The following GPHN variants were observed in gnomAD, a reference collection of about 807,000 sequenced individuals.
The protein encoded by GPHN is gephyrin.
Under a neutral mutation model 95.5 loss-of-function variants are expected in GPHN, and 17 were observed. That is an observed-to-expected ratio of 0.18 (90% CI 0.12 to 0.27). The LOEUF is 0.27. GPHN is among the 10% of genes least tolerant of loss of function. The probability of loss-of-function intolerance (pLI) is 1.00; values close to 1 mark genes in which losing one functional copy is unlikely to be tolerated. For missense variants in GPHN, 660 were observed against 978.1 expected, an observed-to-expected ratio of 0.67 and a Z score of 4.34; for synonymous variants, 320 against 322.5, an observed-to-expected ratio of 0.99 and a Z score of 0.08.
chr14:67,094,862 G>A (rs1447299920), intron 12 of GPHN, among the ~76,000 whole-genome samples: 1 of 152,120 alleles, frequency 6.6e-6, no homozygotes, highest in Non-Finnish European at 1.5e-5. Flanking sequence ...GATATGTTTA[G>A]ATACACAAAT....
chr14:67,122,559 G>C (rs1342032193), intron 17 of GPHN, among the ~76,000 whole-genome samples, 182 bp downstream of exon 17: 1 of 152,162 alleles, frequency 6.6e-6, no homozygotes, highest in East Asian at 1.9e-4. Context: ...AGATTTCTTG[G>C]AATGTCTCTG....
At chr14:66,627,375 C>A (rs570152747) in intron 1 of GPHN, among the ~76,000 whole-genome samples, 2 of 152,030 alleles carry the variant, frequency 1.3e-5, no homozygotes, top group East Asian at 3.9e-4. Context: ...CTTCCCCCCG[C>A]CCCCAACATT....
At chr14:67,277,461 T>C in the GPHN span, among the ~76,000 whole-genome samples, 7 of 152,204 alleles carry the variant, frequency 4.6e-5, no homozygotes, top group African/African-American at 1.7e-4. Context: ...TGAGAAAAGA[T>C]TGGCTGGTAT....
the GPHN span, chr14:67,323,861 C>G: frequency 1.1e-6 from 1 of 938,522 alleles, no homozygotes; most frequent in South Asian, 1.6e-5. Context: ...AAACATGAAA[C>G]AGTCCTGGTC....
chr14:67,074,585 A>G (rs1280519911), intron 11 of GPHN, among the ~76,000 whole-genome samples: 1 of 152,140 alleles, frequency 6.6e-6, no homozygotes, highest in African/African-American at 2.4e-5. Flanking sequence ...GTGAAAGGAA[A>G]AATTACATGT....
At chr14:67,578,729 T>C in the GPHN span, 1 of 806,906 alleles carries the variant, frequency 1.2e-6, no homozygotes, top group South Asian at 1.5e-5. The surrounding 1 kb of genome is among the most constrained non-coding windows in gnomAD (Gnocchi z 5.0). Flanking sequence ...AGATCACTCC[T>C]GTCCTCTGAA....
chr14:67,257,795 G>C, the GPHN span, among the ~76,000 whole-genome samples: 1 of 152,118 alleles, frequency 6.6e-6, no homozygotes, highest in African/African-American at 2.4e-5. Flanking sequence ...ACACTGAATT[G>C]TTCTTCATAG....
the GPHN span, among the ~76,000 whole-genome samples, chr14:67,549,322 G>A: frequency 6.6e-6 from 1 of 151,438 alleles, no homozygotes; most frequent in Non-Finnish European, 1.5e-5. Flanking sequence ...CTAGGCTGGA[G>A]TGCAATGGTG....
At chr14:67,569,797 C>T in the GPHN span, 6 of 687,726 alleles carry the variant, frequency 8.7e-6, no homozygotes, top group Admixed American at 2.1e-5. Context: ...GCCCTGGCCC[C>T]CCTCTTGAGA....
the GPHN span, chr14:67,223,999 T>TAGTA: frequency 1.0e-6 from 1 of 983,662 alleles, no homozygotes; most frequent in Non-Finnish European, 1.2e-6. Context: ...CTGCTCCCCA[T>TAGTA]AGTAGTAAAA....
intron 4 of GPHN, among the ~76,000 whole-genome samples, chr14:66,825,692 C>T (rs1028796332): frequency 6.6e-6 from 1 of 152,014 alleles, no homozygotes; most frequent in Admixed American, 6.6e-5. Flanking sequence ...TATATAAAAA[C>T]CGTGGTACAT....
intron 4 of GPHN, among the ~76,000 whole-genome samples, chr14:66,857,934 T>C (rs921418976): frequency 6.6e-6 from 1 of 152,152 alleles, no homozygotes; most frequent in Non-Finnish European, 1.5e-5. Flanking sequence ...AACACCAGGC[T>C]TAACTCAACT....
chr14:67,485,495 A>T, the GPHN span, among the ~76,000 whole-genome samples: 1 of 152,210 alleles, frequency 6.6e-6, no homozygotes, highest in Non-Finnish European at 1.5e-5. Context: ...AAATTCCTGC[A>T]TGGAATCTGA....
the GPHN span, among the ~76,000 whole-genome samples, chr14:67,307,453 A>G: frequency 6.6e-6 from 1 of 152,224 alleles, no homozygotes; most frequent in East Asian, 1.9e-4. Context: ...CAGAAAATTA[A>G]CAGATTATTG....
intron 2 of GPHN, among the ~76,000 whole-genome samples, chr14:66,710,417 A>G (rs542598507): frequency 6.6e-6 from 1 of 152,296 alleles, no homozygotes; most frequent in Non-Finnish European, 1.5e-5. Flanking sequence ...ATGCATCATC[A>G]TATTTCAGAA....
rs112854210 is a variant in GPHN at position 66,838,137 on chromosome 14, T to C, written c.294+13571T>C. ...ATCTTAGATCCACCTGTTATTAGTG[T>C]GCAACCCCATGCAATTTACTTAACT... On this transcript the variant is annotated intron_variant, in intron 4 of 22. Transcript: ENST00000478722. Among the ~76,000 whole-genome samples, 470 of 152,282 alleles carry C rather than the reference T, an allele frequency of 3.1e-3. 11 individuals are homozygous for C. Among genetic ancestry groups the C allele is most frequent in the African/African-American group, 0.011 (445 of 41,590 alleles).
chr14:66,972,788 T>A (rs1039538659), intron 9 of GPHN, among the ~76,000 whole-genome samples: 1 of 152,126 alleles, frequency 6.6e-6, no homozygotes. Context: ...ATTTACTATG[T>A]CATTGAGGAC....
At chr14:67,498,171 G>A in the GPHN span, among the ~76,000 whole-genome samples, 3 of 152,022 alleles carry the variant, frequency 2.0e-5, no homozygotes, top group Non-Finnish European at 4.4e-5. Flanking sequence ...CTCTGTTCCC[G>A]ATCCATTCAT....
intron 1 of GPHN, among the ~76,000 whole-genome samples, chr14:66,612,284 T>G (rs1448825152): frequency 1.3e-5 from 2 of 152,018 alleles, no homozygotes; most frequent in Non-Finnish European, 2.9e-5. Context: ...CTTTTTAATT[T>G]TTTTGTATTT....
Sources: allele counts gnomAD v4.1 joint callset (sites outside exome capture counted in the v4.1 genomes callset), GRCh38; gene constraint gnomAD v4.1.1; non-coding constraint Gnocchi (gnomAD v3.1); transcripts MANE v1.5; gene names NCBI Gene and HGNC (gene_info 2026-07-23, HGNC 2026-07-21).